ATP8A2: variants seen among roughly 807,000 people sequenced by gnomAD.
ATP8A2 encodes ATPase phospholipid transporting 8A2, also known as phospholipid-transporting ATPase IB.
A neutral mutation model predicts 165.6 loss-of-function variants in ATP8A2; 100 were observed. The observed-to-expected ratio is 0.60, with a 90% CI of 0.51 to 0.71. The LOEUF (loss-of-function observed/expected upper bound fraction) is 0.71. Among genes scored for constraint, ATP8A2 ranks in the 30% least tolerant of loss-of-function variants. ATP8A2 has a pLI of 0.00. For missense variants in ATP8A2, 1,227 were observed against 1,479.5 expected (o/e 0.83, Z 2.80); for synonymous variants, 543 against 548.8 (o/e 0.99, Z 0.15).
Position 25,585,487 on chromosome 13 carries a change from A to G in ATP8A2, c.2146+3530A>G, listed in dbSNP as rs528394641. Among the ~76,000 whole-genome samples the G allele has an allele frequency of 1.3e-4, 20 of 152,238 alleles. No homozygotes were observed. In the South Asian group the frequency reaches 2.9e-3, roughly 22 times the overall value. On this transcript the variant is annotated intron_variant, in intron 23 of 36. Coordinates refer to ENST00000381655, the MANE Select transcript of ATP8A2 (RefSeq NM_016529.6). ...TTGGCATTAGCTTTCCTCTTAAACC[A>G]TTTCTGAATTGAAATTTAAAGTCTT...
At chr13:25,980,314 T>C (rs1956149540) in intron 35 of ATP8A2, among the ~76,000 whole-genome samples, 1 of 152,126 alleles carries the variant, frequency 6.6e-6, no homozygotes, top group Non-Finnish European at 1.5e-5. Context: ...GCCTTCTCAG[T>C]CTCCTTCAGT....
chr13:25,720,167 C>CTCTTTTTTT (rs2043344266), intron 25 of ATP8A2, among the ~76,000 whole-genome samples: 1 of 117,288 alleles, frequency 8.5e-6, no homozygotes, highest in African/African-American at 3.8e-5. Flanking sequence ...TATACTTTTT[C>CTCTTTTTTT]TTTTTTTTTT....
At chr13:25,403,975 T>TCCA (rs2033719369) in intron 1 of ATP8A2, among the ~76,000 whole-genome samples, 1 of 152,232 alleles carries the variant, frequency 6.6e-6, no homozygotes, top group Non-Finnish European at 1.5e-5. Flanking sequence ...CATTCACTCA[T>TCCA]CCATCCATTT....
At chr13:26,019,842 C>G (rs964196656) in intron 36 of ATP8A2, 46 bp from the exon 37 acceptor site, 1 of 1,409,084 alleles carries the variant, frequency 7.1e-7, no homozygotes, top group Non-Finnish European at 1.0e-6. Flanking sequence ...AGTGTGCTCC[C>G]CCAATTCTCC....
At chr13:25,489,830 A>G (rs1454285160) in intron 2 of ATP8A2, among the ~76,000 whole-genome samples, 1 of 151,970 alleles carries the variant, frequency 6.6e-6, no homozygotes, top group East Asian at 1.9e-4. Context: ...TATATAAACT[A>G]CTCCTAAAAG....
intron 30 of ATP8A2, among the ~76,000 whole-genome samples, chr13:25,854,919 C>T (rs1476558681): frequency 1.3e-5 from 2 of 152,100 alleles, no homozygotes; most frequent in African/African-American, 2.4e-5. Flanking sequence ...CATTATAGAA[C>T]ATTTTTATCA....
chr13:25,374,244 T>A (rs2032534016), intron 1 of ATP8A2, among the ~76,000 whole-genome samples: 2 of 152,192 alleles, frequency 1.3e-5, no homozygotes, highest in South Asian at 4.1e-4. Context: ...CCAGTGCTGC[T>A]GAGCTCAATA....
At chr13:25,531,254 A>T (rs56676986) in intron 4 of ATP8A2, among the ~76,000 whole-genome samples, 128 of 18,770 alleles carry the variant, frequency 6.8e-3, no homozygotes, top group East Asian at 0.026. Context: ...GTTATATATG[A>T]TATATATGAT....
At chr13:25,478,384 AAAG>A (rs1187660948) in intron 2 of ATP8A2, among the ~76,000 whole-genome samples, 1 of 152,186 alleles carries the variant, frequency 6.6e-6, no homozygotes, top group Admixed American at 6.5e-5. Context: ...ACAGACAGCA[AAAG>A]CTTACTCAGA....
At chr13:26,013,840 T>C (rs1956904257) in intron 36 of ATP8A2, among the ~76,000 whole-genome samples, 2 of 152,188 alleles carry the variant, frequency 1.3e-5, no homozygotes, top group Non-Finnish European at 2.9e-5. Context: ...CAGAGTATCA[T>C]TGCTTTTCAG....
At position 25,659,311 on chromosome 13, in the gene ATP8A2, T is replaced by G. The variant is rs2181424; in HGVS notation, c.2212-39862T>G. Among the ~76,000 whole-genome samples, 3 of 152,084 alleles carry G rather than the reference T, an allele frequency of 2.0e-5. No homozygotes were observed. In the South Asian group the frequency reaches 6.2e-4, roughly 32 times the overall value. ...AACCTGCTGTCCAAGTCTGGAACTT[T>G]AGGCAAGTTAAGATCAACAAGCACT... On this transcript the variant is annotated intron_variant, in intron 24 of 36. Transcript: ENST00000381655.
At chr13:25,713,284 G>A (rs1191549348) in intron 25 of ATP8A2, among the ~76,000 whole-genome samples, 3 of 152,040 alleles carry the variant, frequency 2.0e-5, no homozygotes, top group East Asian at 1.9e-4. Flanking sequence ...TTCCCACTAC[G>A]TCTGTTTTTT....
chr13:25,573,829 G>C (rs187168044), intron 18 of ATP8A2, among the ~76,000 whole-genome samples: 1 of 152,290 alleles, frequency 6.6e-6, no homozygotes, highest in Admixed American at 6.5e-5. Context: ...ATTGATGAAG[G>C]CTGGATGAAG....
intron 27 of ATP8A2, among the ~76,000 whole-genome samples, chr13:25,812,927 C>T (rs1255662949): frequency 6.6e-6 from 1 of 152,074 alleles, no homozygotes; most frequent in African/African-American, 2.4e-5. Context: ...ATGTCCTTTG[C>T]AGGGACATGG....
intron 23 of ATP8A2, among the ~76,000 whole-genome samples, chr13:25,583,854 G>C (rs1470265594): frequency 5.9e-5 from 9 of 151,892 alleles, no homozygotes; most frequent in African/African-American, 2.2e-4. Context: ...GTGTAGTAAC[G>C]TGTAGTGCTC....
intron 33 of ATP8A2, among the ~76,000 whole-genome samples, chr13:25,901,219 A>C (rs1008279352): frequency 2.0e-5 from 3 of 152,182 alleles, no homozygotes; most frequent in African/African-American, 7.2e-5. Flanking sequence ...TTGTACTGGA[A>C]GGGGCCGATG....
intron 35 of ATP8A2, among the ~76,000 whole-genome samples, chr13:26,001,681 G>A (rs939997294): frequency 3.3e-5 from 5 of 152,050 alleles, no homozygotes; most frequent in African/African-American, 1.2e-4. Flanking sequence ...TTGAATAAGG[G>A]TCTATTGAAG....
Position 26,019,874 on chromosome 13 carries a change from T to C in ATP8A2, c.3470-14T>C, listed in dbSNP as rs745522798. 6.3e-7 allele frequency: 1 copy of C among 1,595,832 alleles called. No individual in the cohort carries two copies. On this transcript the variant is annotated splice_polypyrimidine_tract_variant and intron_variant, in intron 36 of 36. Coordinates refer to ENST00000381655, the MANE Select transcript of ATP8A2 (RefSeq NM_016529.6). ...CTCCTGTTAACCAGTTTCTCCTGTG[T>C]GCTTCACTTTCAGATGGGTATGCTT...
At chr13:25,884,386 A>G (rs1277161697) in intron 33 of ATP8A2, among the ~76,000 whole-genome samples, 1 of 152,124 alleles carries the variant, frequency 6.6e-6, no homozygotes, top group Non-Finnish European at 1.5e-5. Flanking sequence ...CCCACTCCCA[A>G]GTATTCAAGG....
Sources: allele counts gnomAD v4.1 joint callset (sites outside exome capture counted in the v4.1 genomes callset), GRCh38; gene constraint gnomAD v4.1.1; transcripts MANE v1.5; gene names NCBI Gene and HGNC (gene_info 2026-07-23, HGNC 2026-07-21).